Variants in CLSTN2 observed in about 807,000 individuals in gnomAD.
CLSTN2 encodes the protein calsyntenin-2.
CLSTN2 carries 48 observed loss-of-function variants against 101.2 expected under a neutral mutation model. The observed-to-expected ratio is 0.47, with a 90% CI of 0.38 to 0.60. CLSTN2 has a LOEUF of 0.60. Among genes scored for constraint, CLSTN2 ranks in the 20% least tolerant of loss-of-function variants. The pLI, the probability that CLSTN2 is intolerant of heterozygous loss-of-function variation, is 0.00. For synonymous variants in CLSTN2, 481 were observed against 463.6 expected, an observed-to-expected ratio of 1.04 and a Z score of -0.48; for missense variants, 1,160 against 1,238.2, an observed-to-expected ratio of 0.94 and a Z score of 0.95.
chr3:140,279,628 G>A (rs913101630), intron 2 of CLSTN2, among the ~76,000 whole-genome samples: 1 of 152,174 alleles, frequency 6.6e-6, no homozygotes, highest in Admixed American at 6.5e-5. Flanking sequence ...GGAGAAATCT[G>A]GAAAGTAGGT....
At chr3:140,493,529 ATACC>A (rs777081614) in intron 8 of CLSTN2, among the ~76,000 whole-genome samples, 6 of 152,220 alleles carry the variant, frequency 3.9e-5, no homozygotes, top group Non-Finnish European at 8.8e-5. Flanking sequence ...CCTACTGTGT[ATACC>A]TACCTTATAC....
chr3:140,020,144 G>A (rs1253211010), intron 1 of CLSTN2, among the ~76,000 whole-genome samples: 1 of 152,122 alleles, frequency 6.6e-6, no homozygotes, highest in African/African-American at 2.4e-5. Context: ...GCCTTGCCTG[G>A]CATGTTCCCC....
intron 2 of CLSTN2, among the ~76,000 whole-genome samples, chr3:140,381,511 C>G (rs59491997): frequency 0.017 from 2,583 of 152,316 alleles, 73 homozygotes; most frequent in African/African-American, 0.057. Context: ...ATACCTAAGT[C>G]CTTTGTTGTC....
chr3:140,493,003 A>G (rs1342028161), intron 8 of CLSTN2, among the ~76,000 whole-genome samples: 5 of 151,540 alleles, frequency 3.3e-5, no homozygotes, highest in African/African-American at 1.2e-4. Flanking sequence ...AATTGTTACA[A>G]TCAACCATGG....
chr3:140,424,769 G>C (rs904821162), intron 5 of CLSTN2, among the ~76,000 whole-genome samples: 2 of 152,204 alleles, frequency 1.3e-5, no homozygotes, highest in Non-Finnish European at 2.9e-5. Flanking sequence ...GGAACATAGA[G>C]AGGGGAGAAC....
At chr3:140,040,198 G>T (rs1467074153) in intron 1 of CLSTN2, among the ~76,000 whole-genome samples, 1 of 151,886 alleles carries the variant, frequency 6.6e-6, no homozygotes, top group Non-Finnish European at 1.5e-5. Flanking sequence ...ATCTTTTTTG[G>T]TGTCTTTCAA....
chr3:140,095,484 A>C (rs2008854485), intron 1 of CLSTN2, among the ~76,000 whole-genome samples: 1 of 152,242 alleles, frequency 6.6e-6, no homozygotes, highest in South Asian at 2.1e-4. Context: ...TAACCCAGGA[A>C]AGCTCAGTGC....
chr3:140,122,761 G>C (rs1313549140), intron 1 of CLSTN2, among the ~76,000 whole-genome samples: 1 of 152,178 alleles, frequency 6.6e-6, no homozygotes, highest in African/African-American at 2.4e-5. Flanking sequence ...CTGCAAACTT[G>C]ATCTGTAAAG....
intron 16 of CLSTN2, among the ~76,000 whole-genome samples, chr3:140,565,206 G>A (rs1253796760): frequency 6.6e-6 from 1 of 152,210 alleles, no homozygotes; most frequent in Non-Finnish European, 1.5e-5. Context: ...ACCTTGAGGA[G>A]GAAAAGCCTT....
intron 2 of CLSTN2, among the ~76,000 whole-genome samples, chr3:140,251,889 CA>C (rs762310216): frequency 6.6e-6 from 1 of 152,032 alleles, no homozygotes; most frequent in Non-Finnish European, 1.5e-5. Context: ...GAGGAGGTTT[CA>C]AAAAACAGCA....
intron 1 of CLSTN2, among the ~76,000 whole-genome samples, chr3:140,009,741 T>A (rs1046460843): frequency 2.0e-5 from 3 of 152,276 alleles, no homozygotes; most frequent in African/African-American, 7.2e-5. Flanking sequence ...AAATATTTCT[T>A]TGCATGCTTA....
chr3:140,464,827 G>C (rs1014840422), intron 7 of CLSTN2, among the ~76,000 whole-genome samples: 1 of 152,128 alleles, frequency 6.6e-6, no homozygotes, highest in Non-Finnish European at 1.5e-5. Context: ...CAATCCAGAC[G>C]CTAAAAATGG....
At chr3:140,135,487 C>T (rs1001877060) in intron 1 of CLSTN2, among the ~76,000 whole-genome samples, 2 of 152,066 alleles carry the variant, frequency 1.3e-5, no homozygotes, top group African/African-American at 2.4e-5. Flanking sequence ...TTCTCGTAGT[C>T]TCTACAAACA....
intron 5 of CLSTN2, among the ~76,000 whole-genome samples, chr3:140,425,832 A>G (rs963202695): frequency 6.6e-6 from 1 of 152,198 alleles, no homozygotes; most frequent in Admixed American, 6.5e-5. Flanking sequence ...CTCACTCTGC[A>G]GTGAGGTGGA....
In CLSTN2 at chr3:140,572,023, G is replaced by C. The variant is rs1279735253; in HGVS notation, c.*5770G>C. The stretch of plus-strand genomic sequence containing the variant: ...GCCCTGTGCCAGCAACAGGGGAAGG[G>C]AGGATGAACAAGGCATGTTTCCCTG... On this transcript the variant is annotated 3_prime_UTR_variant, in exon 17 of 17. Coordinates refer to ENST00000458420, the MANE Select transcript of CLSTN2 (RefSeq NM_022131.3). The C allele has an allele frequency of 2.0e-5, 3 of 152,352 alleles. No individual in the cohort carries two copies. Among genetic ancestry groups the C allele is most frequent in the African/African-American group, 7.2e-5 (3 of 41,466 alleles). 9.4% of individuals were successfully genotyped at this position (152,352 alleles called of 1,614,324 possible). A position where few individuals can be genotyped will look rare whatever the true frequency, so the allele number is the denominator to read the frequency against.
intron 5 of CLSTN2, among the ~76,000 whole-genome samples, chr3:140,433,699 G>A (rs1230156624): frequency 6.6e-6 from 1 of 152,208 alleles, no homozygotes; most frequent in Non-Finnish European, 1.5e-5. Context: ...GTTAATAGCA[G>A]TACCTATCGC....
intron 2 of CLSTN2, among the ~76,000 whole-genome samples, chr3:140,397,789 A>C (rs1431130504): frequency 6.6e-6 from 1 of 152,236 alleles, no homozygotes; most frequent in Non-Finnish European, 1.5e-5. Context: ...GCACGTTGTT[A>C]CATTAAAATC....
chr3:140,230,032 C>T (rs2086356803), intron 2 of CLSTN2, among the ~76,000 whole-genome samples: 1 of 152,086 alleles, frequency 6.6e-6, no homozygotes, highest in Non-Finnish European at 1.5e-5. Flanking sequence ...CTCTAGTAGC[C>T]TGTGAGCTGC....
In CLSTN2 at chr3:140,157,697, T is replaced by C. The variant is rs184416165; in HGVS notation, c.110-18254T>C. Among the ~76,000 whole-genome samples the C allele has an allele frequency of 5.1e-4, 78 of 151,524 alleles. 1 individual carries two copies. Among genetic ancestry groups the C allele is most frequent in the African/African-American group, 1.8e-3 (72 of 40,868 alleles). On this transcript the variant is annotated intron_variant, in intron 1 of 16. Transcript: ENST00000458420. ...TTAGAAAATCAAGTCTTGGTTTCAT[T>C]GATTGTTTGTATGGATTTCTGCATC...
Sources: gnomAD v4.1 joint callset for allele counts (sites outside exome capture counted in the v4.1 genomes callset) on GRCh38, gnomAD v4.1.1 for gene constraint, MANE v1.5 for transcripts, NCBI Gene and HGNC (gene_info 2026-07-23, HGNC 2026-07-21) for gene names.